Variants in AKR1C8 observed in about 807,000 individuals in gnomAD.
The protein encoded by AKR1C8 is aldo-keto reductase family 1 member C-like protein 1.
At chr10:5,154,135 C>T in the AKR1C8 span, 1 of 469,654 alleles carries the variant, frequency 2.1e-6, no homozygotes, top group East Asian at 7.0e-5. Context: ...TTCAATAGCT[C>T]ATGGTCAATA....
chr10:5,128,515 C>T, the AKR1C8 span, among the ~76,000 whole-genome samples: 2 of 151,944 alleles, frequency 1.3e-5, no homozygotes, highest in African/African-American at 4.8e-5. Context: ...AAATCACAAA[C>T]CAAATACCTG....
the AKR1C8 span, among the ~76,000 whole-genome samples, chr10:5,148,971 A>G: frequency 6.6e-6 from 1 of 152,160 alleles, no homozygotes; most frequent in Non-Finnish European, 1.5e-5. Context: ...TGCCAAGGTC[A>G]GATTACAACA....
chr10:5,132,203 G>A, the AKR1C8 span, among the ~76,000 whole-genome samples: 7 of 152,058 alleles, frequency 4.6e-5, no homozygotes, highest in Non-Finnish European at 7.4e-5. Context: ...GTAAGGTGAG[G>A]GATAAAAGCC....
chr10:5,125,420 T>C, the AKR1C8 span, among the ~76,000 whole-genome samples: 1 of 152,244 alleles, frequency 6.6e-6, no homozygotes, highest in South Asian at 2.1e-4. Flanking sequence ...CATAAACTTT[T>C]GGGAACTCTG....
the AKR1C8 span, among the ~76,000 whole-genome samples, chr10:5,180,941 A>T: frequency 1.3e-5 from 2 of 152,196 alleles, no homozygotes; most frequent in East Asian, 3.9e-4. Flanking sequence ...GCACTTCCCG[A>T]GTGAGGCAAT....
At chr10:5,138,300 T>A in the AKR1C8 span, among the ~76,000 whole-genome samples, 2 of 151,998 alleles carry the variant, frequency 1.3e-5, no homozygotes, top group Non-Finnish European at 2.9e-5. Flanking sequence ...TGCATTCCCT[T>A]CCCAGGGTAT....
chr10:5,117,448 A>T, the AKR1C8 span, among the ~76,000 whole-genome samples: 1 of 152,084 alleles, frequency 6.6e-6, no homozygotes, highest in African/African-American at 2.4e-5. Context: ...TACCCTCCAG[A>T]TTGTCTCCAA....
the AKR1C8 span, among the ~76,000 whole-genome samples, chr10:5,116,967 T>G: frequency 1.2e-4 from 19 of 152,206 alleles, no homozygotes; most frequent in Admixed American, 3.3e-4. Flanking sequence ...GAATCCAATC[T>G]CTCCAAAATA....
chr10:5,137,764 G>A, the AKR1C8 span, among the ~76,000 whole-genome samples: 223 of 152,258 alleles, frequency 1.5e-3, 1 homozygote, highest in African/African-American at 4.9e-3. Context: ...AGTATAAAGA[G>A]AGGAATTTTA....
the AKR1C8 span, among the ~76,000 whole-genome samples, chr10:5,184,757 C>T: frequency 6.6e-6 from 1 of 152,310 alleles, no homozygotes; most frequent in East Asian, 1.9e-4. Flanking sequence ...AACATTGATA[C>T]TTTTAATAGA....
the AKR1C8 span, chr10:5,161,910 T>A: frequency 1.9e-6 from 1 of 534,454 alleles, no homozygotes; most frequent in African/African-American, 1.9e-5. Flanking sequence ...CCGGTCCAAG[T>A]TTCTTCAGTG....
At chr10:5,179,239 A>G in the AKR1C8 span, among the ~76,000 whole-genome samples, 3 of 152,040 alleles carry the variant, frequency 2.0e-5, no homozygotes, top group Admixed American at 6.6e-5. Flanking sequence ...TCACTTATGA[A>G]GCTTAGTTTG....
the AKR1C8 span, among the ~76,000 whole-genome samples, chr10:5,138,884 T>C: frequency 1.3e-5 from 2 of 152,144 alleles, no homozygotes; most frequent in East Asian, 1.9e-4. Context: ...TGTTTGCAGA[T>C]GACATGATTA....
the AKR1C8 span, among the ~76,000 whole-genome samples, chr10:5,140,833 T>TA: frequency 4.4e-5 from 3 of 68,322 alleles, no homozygotes; most frequent in Non-Finnish European, 1.1e-4. Flanking sequence ...AAAGTATAAT[T>TA]TAAAAAAAGA....
the AKR1C8 span, among the ~76,000 whole-genome samples, chr10:5,126,593 G>A: frequency 6.6e-6 from 1 of 151,980 alleles, no homozygotes; most frequent in East Asian, 1.9e-4. Context: ...TACTGGCCTG[G>A]GGTGGTATCC....
At chr10:5,138,583 C>T in the AKR1C8 span, among the ~76,000 whole-genome samples, 1 of 151,744 alleles carries the variant, frequency 6.6e-6, no homozygotes, top group Non-Finnish European at 1.5e-5. Context: ...AGGCGATGTA[C>T]ATCCTCAGCT....
chr10:5,143,550 A>T, the AKR1C8 span, among the ~76,000 whole-genome samples: 3 of 152,224 alleles, frequency 2.0e-5, no homozygotes, highest in South Asian at 6.2e-4. Flanking sequence ...CAGAAAACAT[A>T]ATTGAAATGA....
the AKR1C8 span, among the ~76,000 whole-genome samples, chr10:5,173,603 A>G: frequency 1.3e-5 from 2 of 151,942 alleles, no homozygotes; most frequent in East Asian, 3.9e-4. Context: ...CTTCAAGAAA[A>G]ACTCCCCTAG....
the AKR1C8 span, among the ~76,000 whole-genome samples, chr10:5,173,203 C>T: frequency 6.6e-6 from 1 of 151,788 alleles, no homozygotes. Flanking sequence ...ATTCAGTTAA[C>T]TGGGAAAAAA....
Sources: allele counts gnomAD v4.1 joint callset (sites outside exome capture counted in the v4.1 genomes callset), GRCh38; gene constraint gnomAD v4.1.1; transcripts MANE v1.5; gene names NCBI Gene and HGNC (gene_info 2026-07-23, HGNC 2026-07-21).